The following MTHFD1L variants were observed in gnomAD, a reference collection of about 807,000 sequenced individuals.
The protein encoded by MTHFD1L is monofunctional C1-tetrahydrofolate synthase, mitochondrial.
A neutral mutation model predicts 119.5 loss-of-function variants in MTHFD1L; 81 were observed. The ratio of observed to expected loss-of-function variants is 0.68; its 90% CI spans 0.57 to 0.82. MTHFD1L has a LOEUF of 0.82. MTHFD1L is among the 40% of genes least tolerant of loss of function. The probability of loss-of-function intolerance (pLI) is 0.00; values close to 1 mark genes in which losing one functional copy is unlikely to be tolerated. For synonymous variants in MTHFD1L, 430 were observed against 475.2 expected (o/e 0.90, Z 1.24); for missense variants, 1,125 against 1,253.4 (o/e 0.90, Z 1.55).
intron 26 of MTHFD1L, among the ~76,000 whole-genome samples, chr6:151,084,048 C>G (rs191630482): frequency 6.6e-6 from 1 of 152,200 alleles, no homozygotes; most frequent in East Asian, 1.9e-4. Context: ...TCCCGAAATA[C>G]AAGAAATTCA....
intron 20 of MTHFD1L, among the ~76,000 whole-genome samples, chr6:150,994,798 T>C (rs769512754): frequency 6.6e-6 from 1 of 152,198 alleles, no homozygotes; most frequent in Non-Finnish European, 1.5e-5. Flanking sequence ...GTTGAATCGA[T>C]TGGGATACAG....
intron 24 of MTHFD1L, among the ~76,000 whole-genome samples, chr6:151,032,184 AT>A (rs1785425472): frequency 6.6e-6 from 1 of 152,216 alleles, no homozygotes; most frequent in Admixed American, 6.5e-5. Context: ...TCGAGTTGCT[AT>A]AAAGGCATCC....
chr6:150,872,795 A>AT (rs1186340269), intron 1 of MTHFD1L, among the ~76,000 whole-genome samples: 23 of 148,332 alleles, frequency 1.6e-4, no homozygotes, highest in African/African-American at 4.2e-4. Context: ...GTATGCCTGT[A>AT]TTTTTTTTTC....
In MTHFD1L at chr6:151,091,376, G is replaced by A. The variant is rs185870809; in HGVS notation, c.2848-1091G>A. ...AAATGGAAAAGGAATGGGTCATCCG[G>A]GAGCCCCAGGATCTAGACCCTGGAG... On this transcript the variant is annotated intron_variant, in intron 26 of 27. Transcript: ENST00000367321. Among the ~76,000 whole-genome samples, 10 of 152,262 alleles carry A rather than the reference G, an allele frequency of 6.6e-5. No individual in the cohort carries two copies. The East Asian group carries it at 1.4e-3, about 21-fold the overall frequency.
At chr6:151,101,002 T>C (rs1299971063) in intron 27 of MTHFD1L, among the ~76,000 whole-genome samples, 1 of 151,810 alleles carries the variant, frequency 6.6e-6, no homozygotes, top group Non-Finnish European at 1.5e-5. Flanking sequence ...TTACTAAAAA[T>C]ACAAAAATTA....
At position 151,037,376 on chromosome 6, in the gene MTHFD1L, A is replaced by C. The variant is rs114438675; in HGVS notation, c.2847+259A>C. On this transcript the variant is annotated intron_variant, in intron 26 of 27. Transcript: ENST00000367321. ...TTTCCTTCCTAAGGTGAGTAAGAAC[A>C]TAACTTGGGAGAATTCAGTCTGTTA... 8.1e-3 allele frequency among the ~76,000 whole-genome samples: 1,227 copies of C among 152,286 alleles called. 13 individuals are homozygous for C. Among genetic ancestry groups the C allele is most frequent in the African/African-American group, 0.027 (1,133 of 41,548 alleles).
chr6:150,924,347 A>G (rs984988921), intron 10 of MTHFD1L, among the ~76,000 whole-genome samples: 4 of 151,974 alleles, frequency 2.6e-5, no homozygotes, highest in Admixed American at 2.6e-4. Flanking sequence ...TAATTTTTGT[A>G]TTTTTAGTAG....
chr6:150,910,389 C>T (rs916363164), intron 8 of MTHFD1L, among the ~76,000 whole-genome samples: 1 of 151,144 alleles, frequency 6.6e-6, no homozygotes, highest in Non-Finnish European at 1.5e-5. Context: ...CGTGGAGAAA[C>T]CCCATCTCTA....
chr6:151,033,114 A>G (rs1000832739), intron 24 of MTHFD1L, among the ~76,000 whole-genome samples: 49 of 151,146 alleles, frequency 3.2e-4, no homozygotes, highest in African/African-American at 1.0e-3. Context: ...CATCATGCAT[A>G]TGCTTTCTTT....
At chr6:150,902,889 C>T (rs1460829018) in intron 7 of MTHFD1L, among the ~76,000 whole-genome samples, 1 of 152,148 alleles carries the variant, frequency 6.6e-6, no homozygotes, top group Non-Finnish European at 1.5e-5. Flanking sequence ...CTCCTTTTTA[C>T]AGTTGTTTTA....
chr6:150,891,599 G>A (rs753992119), intron 7 of MTHFD1L, among the ~76,000 whole-genome samples: 5 of 149,682 alleles, frequency 3.3e-5, no homozygotes, highest in African/African-American at 1.2e-4. Context: ...TGCAAATGAA[G>A]TAAAAATATA....
At chr6:150,881,888 C>G (rs1012219532) in intron 4 of MTHFD1L, among the ~76,000 whole-genome samples, 1 of 152,156 alleles carries the variant, frequency 6.6e-6, no homozygotes, top group Non-Finnish European at 1.5e-5. Flanking sequence ...AATGGTTTCC[C>G]CTGCCACTGC....
At chr6:151,007,361 G>A (rs752583150) in intron 20 of MTHFD1L, among the ~76,000 whole-genome samples, 4 of 152,078 alleles carry the variant, frequency 2.6e-5, no homozygotes, top group Non-Finnish European at 5.9e-5. Flanking sequence ...CTACCAGTGA[G>A]AAAAACGCCT....
chr6:150,911,896 A>G (rs909229068), intron 8 of MTHFD1L, among the ~76,000 whole-genome samples: 3 of 152,118 alleles, frequency 2.0e-5, no homozygotes, highest in African/African-American at 7.2e-5. Context: ...TATGGGGAAA[A>G]CCACCCCCAT....
At chr6:150,998,068 T>C (rs1780061750) in intron 20 of MTHFD1L, among the ~76,000 whole-genome samples, 1 of 152,250 alleles carries the variant, frequency 6.6e-6, no homozygotes, top group African/African-American at 2.4e-5. Flanking sequence ...ACCATGTGTG[T>C]GCAAAAACTG....
At chr6:151,002,974 A>G (rs1201019951) in intron 20 of MTHFD1L, among the ~76,000 whole-genome samples, 1 of 152,120 alleles carries the variant, frequency 6.6e-6, no homozygotes, top group Admixed American at 6.5e-5. Flanking sequence ...CAACAATCAA[A>G]AATGTCTCCA....
intron 18 of MTHFD1L, among the ~76,000 whole-genome samples, chr6:150,961,759 G>T (rs1468408855): frequency 6.6e-6 from 1 of 152,066 alleles, no homozygotes; most frequent in Non-Finnish European, 1.5e-5. Context: ...GCAGCCTATG[G>T]AATACTTAGT....
At chr6:150,980,875 C>T (rs1446104819) in intron 20 of MTHFD1L, among the ~76,000 whole-genome samples, 1 of 152,016 alleles carries the variant, frequency 6.6e-6, no homozygotes, top group Non-Finnish European at 1.5e-5. Context: ...TCTACTTTGA[C>T]CACACACATA....
intron 15 of MTHFD1L, among the ~76,000 whole-genome samples, chr6:150,947,819 G>C (rs910797698): frequency 6.6e-6 from 1 of 152,116 alleles, no homozygotes; most frequent in Non-Finnish European, 1.5e-5. Context: ...CCAGCAGCAG[G>C]CACAAGTGGT....
Sources: allele counts gnomAD v4.1 joint callset (sites outside exome capture counted in the v4.1 genomes callset), GRCh38; gene constraint gnomAD v4.1.1; transcripts MANE v1.5; gene names NCBI Gene and HGNC (gene_info 2026-07-23, HGNC 2026-07-21).